The following ATP6V1A variants were observed in gnomAD, a reference collection of about 807,000 sequenced individuals.
ATP6V1A encodes the protein V-type proton ATPase catalytic subunit A.
In ATP6V1A, 18 loss-of-function variants were observed where a neutral mutation model predicts 70.1. The ratio of observed to expected loss-of-function variants is 0.26; its 90% CI spans 0.18 to 0.38. ATP6V1A has a LOEUF of 0.38. Ranked by LOEUF, ATP6V1A falls within the 10% of genes least tolerant of loss-of-function variation. The probability of loss-of-function intolerance (pLI) is 1.00; values close to 1 mark genes in which losing one functional copy is unlikely to be tolerated. For missense variants in ATP6V1A, 424 were observed against 772.4 expected, an observed-to-expected ratio of 0.55 and a Z score of 5.35; for synonymous variants, 232 against 253.8, an observed-to-expected ratio of 0.91 and a Z score of 0.82.
At chr3:113,773,341 A>T (rs1577085809) in intron 1 of ATP6V1A, among the ~76,000 whole-genome samples, 1 of 152,260 alleles carries the variant, frequency 6.6e-6, no homozygotes, top group African/African-American at 2.4e-5. Flanking sequence ...TCTTTAAGTA[A>T]ATTTGTAGAC....
At chr3:113,758,169 CTATTA>C (rs1559748670) in intron 1 of ATP6V1A, among the ~76,000 whole-genome samples, 1 of 152,082 alleles carries the variant, frequency 6.6e-6, no homozygotes, top group East Asian at 1.9e-4. Context: ...AAGAAATACT[CTATTA>C]GTCAACAAAT....
chr3:113,765,859 G>A (rs1228403535), intron 1 of ATP6V1A, among the ~76,000 whole-genome samples: 2 of 151,736 alleles, frequency 1.3e-5, no homozygotes, highest in Admixed American at 1.3e-4. Context: ...CCCAGGAGGC[G>A]GAGGTTGCAG....
chr3:113,784,470 T>C (rs754925833), intron 4 of ATP6V1A, 32 bp downstream of exon 4: 1 of 1,549,114 alleles, frequency 6.5e-7, no homozygotes, highest in South Asian at 1.1e-5. Flanking sequence ...TTTCTGAAGT[T>C]ATTGAAAGAA....
intron 1 of ATP6V1A, among the ~76,000 whole-genome samples, chr3:113,771,169 A>G (rs964364549): frequency 6.6e-6 from 1 of 151,808 alleles, no homozygotes; most frequent in African/African-American, 2.4e-5. Flanking sequence ...GTGTTCTAGG[A>G]GTTTGTTTTA....
intron 5 of ATP6V1A, among the ~76,000 whole-genome samples, chr3:113,785,724 A>T (rs1253022108): frequency 6.7e-6 from 1 of 150,368 alleles, no homozygotes; most frequent in African/African-American, 2.4e-5. Context: ...GCTAGAGTGC[A>T]GTGGCGCGAT....
chr3:113,757,605 G>A (rs888361156), intron 1 of ATP6V1A, among the ~76,000 whole-genome samples: 1 of 152,158 alleles, frequency 6.6e-6, no homozygotes, highest in Non-Finnish European at 1.5e-5. Context: ...GATGAATAAA[G>A]TACTTAAGAG....
chr3:113,794,808 T>TG (rs1709136311), intron 8 of ATP6V1A, 64 bp from the exon 9 acceptor site: 2 of 1,532,664 alleles, frequency 1.3e-6, no homozygotes, highest in Admixed American at 2.0e-5. Flanking sequence ...TTCTTAAGGG[T>TG]GGAAAAAAAC....
intron 1 of ATP6V1A, among the ~76,000 whole-genome samples, chr3:113,769,238 G>C (rs1040941694): frequency 5.3e-5 from 8 of 152,200 alleles, no homozygotes; most frequent in African/African-American, 1.9e-4. Context: ...AATTCCACCT[G>C]TTCTATAACT....
intron 3 of ATP6V1A, among the ~76,000 whole-genome samples, chr3:113,781,915 T>TA (rs1265080895): frequency 6.6e-6 from 1 of 152,212 alleles, no homozygotes; most frequent in Non-Finnish European, 1.5e-5. Flanking sequence ...CTGAGTGACA[T>TA]ATTACATTTC....
intron 13 of ATP6V1A, among the ~76,000 whole-genome samples, chr3:113,805,110 TTAAAA>T (rs1355529380): frequency 6.6e-6 from 1 of 152,200 alleles, no homozygotes; most frequent in Non-Finnish European, 1.5e-5. Flanking sequence ...AAATTTACCC[TTAAAA>T]TAAATACAAG....
At chr3:113,777,351 T>C in intron 1 of ATP6V1A, among the ~76,000 whole-genome samples, 1 of 152,326 alleles carries the variant, frequency 6.6e-6, no homozygotes, top group East Asian at 1.9e-4. Context: ...AAATATATCA[T>C]TTGTTACATT....
At chr3:113,784,622 T>A in intron 4 of ATP6V1A, 74 bp from the exon 5 acceptor site, 1 of 1,551,938 alleles carries the variant, frequency 6.4e-7, no homozygotes, top group Non-Finnish European at 8.8e-7. Context: ...GGTAATTGAT[T>A]TAAATTATAG....
In ATP6V1A at chr3:113,811,276, A is replaced by G. The variant is rs1337673107; in HGVS notation, c.*1849A>G. 6.6e-6 allele frequency: 1 copy of G among 152,504 alleles called. No homozygotes were observed. Among genetic ancestry groups the G allele is most frequent in the African/African-American group, 2.4e-5 (1 of 41,466 alleles). The allele number at this position is 152,504 out of a possible 1,614,324, so 9.4% of individuals were successfully genotyped here. ...TCTTGGTCTATTAAGGAAAGAAGCA[A>G]TCAGTAGAGAATTCAGGATAGTTTT... On this transcript the variant is annotated 3_prime_UTR_variant, in exon 15 of 15. Coordinates refer to ENST00000273398, the MANE Select transcript of ATP6V1A (RefSeq NM_001690.4).
rs1709315644 is a variant in ATP6V1A, at chr3:113,809,329, T to C, written c.1762-6T>C. 2 of 1,610,654 alleles carry C rather than the reference T, an allele frequency of 1.2e-6. No homozygotes were observed. Among genetic ancestry groups the C allele is most frequent in the Non-Finnish European group, 8.5e-7 (1 of 1,178,184 alleles). On this transcript the variant is annotated splice_region_variant and splice_polypyrimidine_tract_variant and intron_variant, in intron 14 of 14. Coordinates refer to ENST00000273398, the MANE Select transcript of ATP6V1A (RefSeq NM_001690.4). ...TGCGAGTTGAATTTGTAATGTCTTC[T>C]TTCAGGATCCACTGAAAGATGGTGA...
intron 2 of ATP6V1A, 99 bp from the exon 3 acceptor site, chr3:113,780,951 G>A: frequency 6.9e-7 from 1 of 1,445,956 alleles, no homozygotes; most frequent in South Asian, 1.4e-5. Flanking sequence ...ATATATGAGA[G>A]AGGCACAATA....
intron 6 of ATP6V1A, 55 bp downstream of exon 6, chr3:113,786,438 G>C: frequency 6.4e-7 from 1 of 1,559,366 alleles, no homozygotes; most frequent in Non-Finnish European, 8.8e-7. Context: ...ATGTGCTTAT[G>C]TTTTTATTAT....
At chr3:113,749,973 TATC>T (rs1486068438) in intron 1 of ATP6V1A, among the ~76,000 whole-genome samples, 9 of 152,320 alleles carry the variant, frequency 5.9e-5, no homozygotes, top group African/African-American at 2.2e-4. Flanking sequence ...TAAGTATGGT[TATC>T]ATCAAAATAT....
chr3:113,806,378 A>G (rs1709276440), intron 14 of ATP6V1A, among the ~76,000 whole-genome samples: 3 of 152,174 alleles, frequency 2.0e-5, no homozygotes, highest in South Asian at 2.1e-4. Context: ...CCAAGTGCCT[A>G]TTAACCTCTA....
chr3:113,792,793 G>A (rs1041604681), intron 8 of ATP6V1A, among the ~76,000 whole-genome samples: 4 of 152,254 alleles, frequency 2.6e-5, no homozygotes, highest in South Asian at 2.1e-4. Flanking sequence ...TTTTCAACAC[G>A]TTCTTATGAT....
Sources: gnomAD v4.1 joint callset for allele counts (sites outside exome capture counted in the v4.1 genomes callset) on GRCh38, gnomAD v4.1.1 for gene constraint, MANE v1.5 for transcripts, NCBI Gene and HGNC (gene_info 2026-07-23, HGNC 2026-07-21) for gene names.